The following EFR3A variants were observed in gnomAD, a reference collection of about 807,000 sequenced individuals.
EFR3A encodes the protein protein EFR3 homolog A.
A neutral mutation model predicts 104.4 loss-of-function variants in EFR3A; 76 were observed. The ratio of observed to expected loss-of-function variants is 0.73; its 90% CI spans 0.60 to 0.88. The LOEUF is 0.88. EFR3A is among the 40% of genes least tolerant of loss of function. The pLI, the probability that EFR3A is intolerant of heterozygous loss-of-function variation, is 0.00. For missense variants in EFR3A, 985 were observed against 1,012.5 expected, an observed-to-expected ratio of 0.97 and a Z score of 0.37; for synonymous variants, 330 against 330.0, an observed-to-expected ratio of 1.00 and a Z score of 0.00.
At chr8:131,947,891 G>C (rs1006693794) in intron 4 of EFR3A, among the ~76,000 whole-genome samples, 25 of 152,160 alleles carry the variant, frequency 1.6e-4, no homozygotes, top group African/African-American at 6.0e-4. Flanking sequence ...TTTTTAGACT[G>C]CTTCTGAACT....
chr8:131,922,945 C>T (rs1420789547), intron 1 of EFR3A, among the ~76,000 whole-genome samples: 1 of 152,094 alleles, frequency 6.6e-6, no homozygotes, highest in Non-Finnish European at 1.5e-5. Context: ...AATTGGAATG[C>T]ATATTGACTT....
Position 131,986,185 on chromosome 8 carries a change from AT to A in EFR3A, c.1870-3del, listed in dbSNP as rs1360494856. ...TTTGATTTTTGTTCTGTTTTTGAATATTTTTTAGGTTATTGAAATTCGAACT... is the reference window on the plus strand; with the variant it reads ...TTTGATTTTTGTTCTGTTTTTGAATATTTTTAGGTTATTGAAATTCGAACT... On this transcript the variant is annotated splice_polypyrimidine_tract_variant and splice_region_variant and intron_variant, in intron 16 of 22. Coordinates refer to ENST00000254624, the MANE Select transcript of EFR3A (RefSeq NM_015137.6). 5 of 1,543,458 alleles carry A rather than the reference AT, an allele frequency of 3.2e-6. No homozygotes were observed. The highest frequency in any genetic ancestry group is 1.4e-5 in the African/African-American group (1 of 72,760).
intron 2 of EFR3A, among the ~76,000 whole-genome samples, chr8:131,942,081 A>G (rs1422326413): frequency 6.6e-6 from 1 of 152,036 alleles, no homozygotes; most frequent in Non-Finnish European, 1.5e-5. Flanking sequence ...AGGATTGTGA[A>G]TGACAAGGAA....
intron 1 of EFR3A, among the ~76,000 whole-genome samples, chr8:131,906,176 C>T (rs1255975411): frequency 6.6e-6 from 1 of 152,186 alleles, no homozygotes; most frequent in South Asian, 2.1e-4. Context: ...TTGGCAGTCA[C>T]AGCTGCCGAA....
intron 14 of EFR3A, among the ~76,000 whole-genome samples, chr8:131,979,664 A>T (rs1034849845): frequency 4.6e-5 from 7 of 152,080 alleles, no homozygotes; most frequent in Non-Finnish European, 8.8e-5. Context: ...TCTGAGTAAA[A>T]TGTCTTCCTA....
At chr8:131,987,463 T>C in intron 17 of EFR3A, 112 bp from the exon 18 acceptor site, 1 of 1,182,328 alleles carries the variant, frequency 8.5e-7, no homozygotes. Flanking sequence ...ACAGTTTACA[T>C]TGTGTTTATA....
chr8:131,950,526 A>G (rs1818645637), intron 5 of EFR3A, among the ~76,000 whole-genome samples: 1 of 152,086 alleles, frequency 6.6e-6, no homozygotes, highest in Admixed American at 6.6e-5. Context: ...ATGACACCTT[A>G]TCACAAGAAC....
At chr8:131,908,312 G>A (rs1417572106) in intron 1 of EFR3A, among the ~76,000 whole-genome samples, 3 of 151,982 alleles carry the variant, frequency 2.0e-5, no homozygotes, top group Admixed American at 6.6e-5. Flanking sequence ...CACCCGTCTC[G>A]GCCTCCCAAA....
chr8:131,912,711 T>A (rs1193433606), intron 1 of EFR3A, among the ~76,000 whole-genome samples: 1 of 152,150 alleles, frequency 6.6e-6, no homozygotes, highest in African/African-American at 2.4e-5. Context: ...TTTTCAACAT[T>A]TTTATAATTC....
chr8:132,007,193 T>C (rs1822095277), intron 22 of EFR3A, among the ~76,000 whole-genome samples: 2 of 151,774 alleles, frequency 1.3e-5, no homozygotes, highest in Non-Finnish European at 2.9e-5. Flanking sequence ...GAAATAAAAC[T>C]ATCTTTTCAC....
Position 131,974,806 on chromosome 8 carries a change from A to G in EFR3A, c.1160-1221A>G, listed in dbSNP as rs772695805. On this transcript the variant is annotated intron_variant, in intron 10 of 22. Coordinates refer to ENST00000254624, the MANE Select transcript of EFR3A (RefSeq NM_015137.6). ...ATTGTGGGAAATGACTTTTACCCCT[A>G]AGTCCAATCAAAATGATGAATAGAA... Among the ~76,000 whole-genome samples the G allele has an allele frequency of 6.6e-4, 101 of 152,212 alleles. 4 individuals are homozygous for G. The highest frequency in any genetic ancestry group is 1.2e-4 in the African/African-American group (5 of 41,468).
intron 19 of EFR3A, chr8:132,000,709 A>G (rs756666461): frequency 2.0e-5 from 3 of 152,234 alleles, no homozygotes; most frequent in African/African-American, 4.8e-5. Flanking sequence ...TAGAATGCTT[A>G]TAAGTACAAA....
chr8:131,946,671 T>C, intron 4 of EFR3A, 38 bp downstream of exon 4: 1 of 1,474,662 alleles, frequency 6.8e-7, no homozygotes. Context: ...GTATGCTTAA[T>C]TAGCATATCT....
At chr8:131,938,793 C>G (rs2130543939) in intron 1 of EFR3A, among the ~76,000 whole-genome samples, 1 of 152,240 alleles carries the variant, frequency 6.6e-6, no homozygotes, top group Admixed American at 6.5e-5. Flanking sequence ...TCCTCCCCAG[C>G]TGGGTGTTAC....
chr8:131,940,739 A>C, intron 2 of EFR3A, 164 bp downstream of exon 2: 1 of 1,173,838 alleles, frequency 8.5e-7, no homozygotes. Flanking sequence ...TAAATGACCC[A>C]TGCTTGCTTG....
At chr8:131,990,172 T>A (rs1338835405) in intron 18 of EFR3A, among the ~76,000 whole-genome samples, 1 of 152,202 alleles carries the variant, frequency 6.6e-6, no homozygotes, top group Non-Finnish European at 1.5e-5. Flanking sequence ...AAATGTATTG[T>A]TCACTTGAAC....
intron 8 of EFR3A, among the ~76,000 whole-genome samples, chr8:131,962,156 G>A (rs917292277): frequency 3.9e-5 from 6 of 152,116 alleles, no homozygotes; most frequent in Non-Finnish European, 8.8e-5. Flanking sequence ...ATCAACTAAC[G>A]AGCAAAATCA....
chr8:131,999,129 G>A (rs1400900963), intron 19 of EFR3A, among the ~76,000 whole-genome samples: 1 of 152,038 alleles, frequency 6.6e-6, no homozygotes, highest in Non-Finnish European at 1.5e-5. Context: ...GATTATTTAA[G>A]GGCATGGGCA....
At chr8:131,999,181 T>C (rs1397035923) in intron 19 of EFR3A, among the ~76,000 whole-genome samples, 1 of 152,152 alleles carries the variant, frequency 6.6e-6, no homozygotes, top group Non-Finnish European at 1.5e-5. Flanking sequence ...GTTAAATTTT[T>C]TGATATAAAA....
Sources: allele counts gnomAD v4.1 joint callset (sites outside exome capture counted in the v4.1 genomes callset), GRCh38; gene constraint gnomAD v4.1.1; transcripts MANE v1.5; gene names NCBI Gene and HGNC (gene_info 2026-07-23, HGNC 2026-07-21).